WDR48: variants seen among roughly 807,000 people sequenced by gnomAD.
WDR48 encodes the protein WD repeat domain 48.
In WDR48, 22 loss-of-function variants were observed where a neutral mutation model predicts 94.0. The ratio of observed to expected loss-of-function variants is 0.23; its 90% confidence interval spans 0.17 to 0.33. The LOEUF (loss-of-function observed/expected upper bound fraction) is 0.33. Among genes scored for constraint, WDR48 ranks in the 10% least tolerant of loss-of-function variants. The pLI, the probability that WDR48 is intolerant of heterozygous loss-of-function variation, is 1.00. For synonymous variants in WDR48, 278 were observed against 280.5 expected, an observed-to-expected ratio of 0.99 and a Z score of 0.09; for missense variants, 541 against 813.8, an observed-to-expected ratio of 0.66 and a Z score of 4.08.
chr3:39,089,182 T>G, intron 15 of WDR48, 49 bp from the exon 16 acceptor site: 46 of 1,545,756 alleles, frequency 3.0e-5, no homozygotes, highest in African/African-American at 4.1e-5. Flanking sequence ...ACAGTGATTT[T>G]GACATCTGTG....
intron 2 of WDR48, among the ~76,000 whole-genome samples, chr3:39,064,329 A>C (rs2125644268): frequency 6.8e-6 from 1 of 148,096 alleles, no homozygotes; most frequent in East Asian, 2.0e-4. Context: ...GCTGGAGTGC[A>C]GTGGCGCGAT....
In WDR48 at chr3:39,082,403, TC is replaced by T; in HGVS notation, c.1174-1749del. On this transcript the variant is annotated intron_variant, in intron 11 of 18. Coordinates refer to ENST00000302313, the MANE Select transcript of WDR48 (RefSeq NM_020839.4). Reference sequence around the variant, plus strand: ...TTCAAGCGATTCTCCTGCCTCAGCCTCCCGAGTAGCTGGGATTACAGGCATG... The same window carrying T: ...TTCAAGCGATTCTCCTGCCTCAGCCTCCGAGTAGCTGGGATTACAGGCATG... Among the ~76,000 whole-genome samples, 2 of 152,144 alleles carry T rather than the reference TC, an allele frequency of 1.3e-5. 1 individual carries two copies. The highest frequency in any genetic ancestry group is 6.8e-3 in the Middle Eastern group (2 of 294).
intron 2 of WDR48, among the ~76,000 whole-genome samples, chr3:39,064,447 A>G (rs981952965): frequency 6.6e-6 from 1 of 151,936 alleles, no homozygotes; most frequent in Non-Finnish European, 1.5e-5. Flanking sequence ...GCTAATTTTT[A>G]TAATTTTAGT....
intron 7 of WDR48, 80 bp from the exon 8 acceptor site, chr3:39,074,646 A>G: frequency 1.5e-6 from 2 of 1,350,754 alleles, no homozygotes; most frequent in East Asian, 2.4e-5. Flanking sequence ...GACAGTGTGG[A>G]CTCGGGAGAA....
At chr3:39,055,866 T>G (rs2032843761) in intron 1 of WDR48, among the ~76,000 whole-genome samples, 1 of 152,206 alleles carries the variant, frequency 6.6e-6, no homozygotes, top group African/African-American at 2.4e-5. Context: ...TTCGCTTAAC[T>G]TGCTGCCACT....
intron 1 of WDR48, 60 bp downstream of exon 1, chr3:39,052,133 G>A (rs2032438593): frequency 6.2e-7 from 1 of 1,601,304 alleles, no homozygotes; most frequent in South Asian, 1.1e-5. Context: ...GCCCACTCCA[G>A]CTAGAAGGTG....
At chr3:39,086,066 G>A (rs2034793987) in intron 14 of WDR48, among the ~76,000 whole-genome samples, 1 of 152,058 alleles carries the variant, frequency 6.6e-6, no homozygotes, top group South Asian at 2.1e-4. Context: ...TTTTGACTCT[G>A]TTTCAAAAAA....
rs1268149956 is a variant in WDR48, at chr3:39,095,406, C to T, written c.*663C>T. On this transcript the variant is annotated 3_prime_UTR_variant, in exon 19 of 19. Transcript: ENST00000302313. Reference sequence around the variant, plus strand: ...GGATCATAGCACTTGGACTGTTGGGCCGGAGTTTGTGCAGCCCATGCCTAG... The same window carrying T: ...GGATCATAGCACTTGGACTGTTGGGTCGGAGTTTGTGCAGCCCATGCCTAG... 6.6e-6 allele frequency: 1 copy of T among 152,460 alleles called. No homozygotes were observed. Among genetic ancestry groups the T allele is most frequent in the African/African-American group, 2.4e-5 (1 of 41,450 alleles). The allele number at this position is 152,460 out of a possible 1,614,324, so 9.4% of individuals were successfully genotyped here.
chr3:39,059,712 C>G (rs1458524524), intron 1 of WDR48, among the ~76,000 whole-genome samples: 1 of 152,084 alleles, frequency 6.6e-6, no homozygotes, highest in African/African-American at 2.4e-5. Flanking sequence ...AGCCCTGGCC[C>G]TTTTTAAAGG....
Position 39,078,337 on chromosome 3 carries a change from C to T in WDR48, c.1075+98C>T, listed in dbSNP as rs1373544791. ...ACAATGACCTTTCTTTAAATATAATCCTGATGTAAACAAAAGATAATACAT... is the reference window on the plus strand; with the variant it reads ...ACAATGACCTTTCTTTAAATATAATTCTGATGTAAACAAAAGATAATACAT... On this transcript the variant is annotated intron_variant, in intron 10 of 18. Coordinates refer to ENST00000302313, the MANE Select transcript of WDR48 (RefSeq NM_020839.4). 2.9e-5 allele frequency: 24 copies of T among 829,534 alleles called. 1 individual carries two copies. In the Middle Eastern group the frequency reaches 9.5e-4, roughly 33 times the overall value. The allele number at this position is 829,534 out of a possible 1,614,324, so 51.4% of individuals were successfully genotyped here. A position where few individuals can be genotyped will look rare whatever the true frequency, so the allele number is the denominator to read the frequency against.
chr3:39,090,571 A>T (rs2035029095), intron 16 of WDR48: 2 of 152,226 alleles, frequency 1.3e-5, no homozygotes, highest in South Asian at 4.1e-4. Flanking sequence ...AATCTATTAG[A>T]ATTTAGTCTT....
Position 39,094,857 on chromosome 3 carries a change from G to T in WDR48, c.*114G>T, listed in dbSNP as rs917348198. Reference sequence around the variant, plus strand: ...GAGCAAGACTTCTAACGGCTGATTGGTATGGACCGAGATTATCTTTCAATT... The same window carrying T: ...GAGCAAGACTTCTAACGGCTGATTGTTATGGACCGAGATTATCTTTCAATT... On this transcript the variant is annotated 3_prime_UTR_variant, in exon 19 of 19. Transcript: ENST00000302313. 16 of 1,304,466 alleles carry T rather than the reference G, an allele frequency of 1.2e-5. No homozygotes were observed. The highest frequency in any genetic ancestry group is 2.6e-4 in the Middle Eastern group (1 of 3,876). The allele number at this position is 1,304,466 out of a possible 1,614,324, so 80.8% of individuals were successfully genotyped here.
chr3:39,091,829 A>G, intron 17 of WDR48, 128 bp downstream of exon 17: 10 of 826,680 alleles, frequency 1.2e-5, no homozygotes, highest in Non-Finnish European at 1.8e-5. Flanking sequence ...CAAAGTTTAT[A>G]CAATTAAACC....
rs756645922 is a variant in WDR48, at chr3:39,089,248, C to G, written c.1598C>G (p.Ser533Cys). ...RTLFRLLCRD[S>C]GGETESMLLN... ...ATGTTTAGGCTGCTCTGCCGAGATT[C>G]CGGGGGTGAGACTGAGTCTATGCTT... Residue 533 changes from serine (S) to cysteine (C), a missense_variant, in exon 16 of 19, where the codon TCC (serine) becomes TGC (cysteine). Physicochemically the swap from Ser to Cys is moderately radical, Grantham distance 112. This residue lies in a region of WDR48 where 109 missense variants were observed against 195.5 expected (regional missense o/e 0.56). Coordinates refer to ENST00000302313, the MANE Select transcript of WDR48 (RefSeq NM_020839.4). 6.2e-6 allele frequency: 10 copies of G among 1,613,312 alleles called. No homozygotes were observed. The highest frequency in any genetic ancestry group is 8.5e-6 in the Non-Finnish European group (10 of 1,179,624).
intron 1 of WDR48, among the ~76,000 whole-genome samples, chr3:39,054,644 A>G (rs1460982144): frequency 2.6e-5 from 4 of 152,246 alleles, no homozygotes; most frequent in South Asian, 2.1e-4. Flanking sequence ...TTGCATATGC[A>G]TGTATCTGTC....
intron 1 of WDR48, among the ~76,000 whole-genome samples, chr3:39,054,202 C>T (rs1374656941): frequency 6.6e-6 from 1 of 152,170 alleles, no homozygotes; most frequent in East Asian, 1.9e-4. Flanking sequence ...ATTAGAGTTG[C>T]CCTCCATGCT....
chr3:39,069,974 G>A lies in WDR48; in HGVS notation c.672+230G>A, dbSNP rs566018330. Among the ~76,000 whole-genome samples the A allele has an allele frequency of 1.6e-3, 244 of 152,310 alleles. 4 individuals are homozygous for A. Among genetic ancestry groups the A allele is most frequent in the Non-Finnish European group, 4.6e-4 (31 of 68,032 alleles). On this transcript the variant is annotated intron_variant, in intron 7 of 18. Coordinates refer to ENST00000302313, the MANE Select transcript of WDR48 (RefSeq NM_020839.4). Reference sequence around the variant, plus strand: ...CTTAGAATAATTCTGATGCAGATGAGTATATGCATTTATGGTGCATAGGGG... The same window carrying A: ...CTTAGAATAATTCTGATGCAGATGAATATATGCATTTATGGTGCATAGGGG...
intron 1 of WDR48, among the ~76,000 whole-genome samples, chr3:39,053,380 T>C (rs1030269353): frequency 1.3e-5 from 2 of 152,228 alleles, no homozygotes; most frequent in Non-Finnish European, 2.9e-5. Flanking sequence ...CTTGGTTTTA[T>C]TGATCTCACT....
At chr3:39,065,626 C>T (rs538452843) in intron 2 of WDR48, among the ~76,000 whole-genome samples, 185 bp from the exon 3 acceptor site, 6 of 151,686 alleles carry the variant, frequency 4.0e-5, no homozygotes, top group African/African-American at 1.5e-4. Flanking sequence ...TGTCCTGAAA[C>T]AAAACTGTTT....
Sources: gnomAD v4.1 joint callset for allele counts (sites outside exome capture counted in the v4.1 genomes callset) on GRCh38, gnomAD v4.1.1 for gene constraint, gnomAD v4.1.1 regional missense constraint, MANE v1.5 for transcripts, NCBI Gene and HGNC (gene_info 2026-07-23, HGNC 2026-07-21) for gene names.